DENND2A: variants seen among roughly 807,000 people sequenced by gnomAD.
DENND2A encodes DENN domain containing 2A, also known as DENN domain-containing protein 2A.
DENND2A carries 53 observed loss-of-function variants against 105.3 expected under a neutral mutation model. The ratio of observed to expected loss-of-function variants is 0.50; its 90% CI spans 0.40 to 0.63. DENND2A has a LOEUF of 0.63. Among genes scored for constraint, DENND2A ranks in the 30% least tolerant of loss-of-function variants. The probability of loss-of-function intolerance (pLI) is 0.00; values close to 1 mark genes in which losing one functional copy is unlikely to be tolerated. For synonymous variants in DENND2A, 522 were observed against 508.4 expected, an observed-to-expected ratio of 1.03 and a Z score of -0.36; for missense variants, 1,138 against 1,279.6, an observed-to-expected ratio of 0.89 and a Z score of 1.69.
intron 1 of DENND2A, among the ~76,000 whole-genome samples, chr7:140,628,499 A>G (rs1015139212): frequency 1.3e-5 from 2 of 151,534 alleles, no homozygotes; most frequent in Admixed American, 6.6e-5. Flanking sequence ...GCTAACTTTC[A>G]AGATACGGGA....
chr7:140,585,185 G>T (rs561403050), intron 5 of DENND2A, among the ~76,000 whole-genome samples: 1 of 152,136 alleles, frequency 6.6e-6, no homozygotes, highest in Admixed American at 6.6e-5. Context: ...GTGACAGAGC[G>T]ACAACACCCT....
chr7:140,564,316 A>AACACT (rs1462080735), intron 9 of DENND2A, among the ~76,000 whole-genome samples: 7 of 146,290 alleles, frequency 4.8e-5, no homozygotes, highest in Non-Finnish European at 1.1e-4. Flanking sequence ...CACACACAGA[A>AACACT]ACACTGGTAG....
At chr7:140,640,919 C>G (rs1273641724), upstream of DENND2A, 1 of 151,988 alleles carries the variant, frequency 6.6e-6, no homozygotes, top group Non-Finnish European at 1.5e-5. This position sits in a 1 kb window ranked among gnomAD's most constrained non-coding sequence, Gnocchi z 4.9. Flanking sequence ...TCCCAGGGCC[C>G]GGCCCCGCGC....
intron 14 of DENND2A, among the ~76,000 whole-genome samples, chr7:140,532,983 G>C (rs1331368686): frequency 6.8e-6 from 1 of 147,646 alleles, no homozygotes; most frequent in African/African-American, 2.5e-5. Context: ...CAAAGAAAAG[G>C]CTACCTGCTT....
chr7:140,570,316 G>C (rs1196471014), intron 6 of DENND2A, among the ~76,000 whole-genome samples: 1 of 152,180 alleles, frequency 6.6e-6, no homozygotes, highest in African/African-American at 2.4e-5. Flanking sequence ...AGACCCATGG[G>C]GAGACAGCCC....
In DENND2A at chr7:140,527,434, T is replaced by A. The variant is rs1384360611; in HGVS notation, c.2389A>T (p.Thr797Ser). 1 of 1,601,854 alleles carries A rather than the reference T, an allele frequency of 6.2e-7. No individual in the cohort carries two copies. The part of the protein sequence containing the change: ...ALIYPFAWQH[T>S]YIPVLPPAMV... ...GCGGGTGGCAGCACCGGGATGTAGG[T>A]GTGCTGCCAGGCGAAGGGGTAGATC... Residue 797 changes from threonine (T) to serine (S), a missense_variant, in exon 15 of 20, where the codon ACC becomes TCC. By Grantham distance (58) the Thr-to-Ser change is moderately conservative. Coordinates refer to ENST00000496613, the MANE Select transcript of DENND2A (RefSeq NM_015689.5). The surrounding 1 kb of genome is among the most constrained non-coding windows in gnomAD (Gnocchi z 4.9).
chr7:140,546,400 A>C (rs916228573), intron 13 of DENND2A, among the ~76,000 whole-genome samples: 1 of 152,242 alleles, frequency 6.6e-6, no homozygotes, highest in Non-Finnish European at 1.5e-5. Context: ...CCTGGGCGAC[A>C]GTGCAAGACT....
At chr7:140,568,931 C>CTTT in intron 7 of DENND2A, 118 bp from the exon 8 acceptor site, 5 of 769,558 alleles carry the variant, frequency 6.5e-6, no homozygotes, top group South Asian at 2.0e-5. Context: ...TGAGTTGCCT[C>CTTT]TTTTTTTTTT....
At chr7:140,611,924 G>A (rs1306613625) in intron 1 of DENND2A, among the ~76,000 whole-genome samples, 1 of 152,150 alleles carries the variant, frequency 6.6e-6, no homozygotes, top group Non-Finnish European at 1.5e-5. Flanking sequence ...TACACCACAA[G>A]CCACTGAACT....
rs116183116 is a variant in DENND2A at position 140,593,442 on chromosome 7, A to C, written c.996-5662T>G. On this transcript the variant is annotated intron_variant, in intron 3 of 19. Transcript: ENST00000496613. Reference sequence around the variant, plus strand: ...TGAAGGGCGTTATAACCTATGTAATAGCCAAATTTCAACAACCAATGCCAA... The same window carrying C: ...TGAAGGGCGTTATAACCTATGTAATCGCCAAATTTCAACAACCAATGCCAA... Among the ~76,000 whole-genome samples the C allele has an allele frequency of 4.5e-3, 689 of 152,376 alleles. 7 individuals are homozygous for C. Among genetic ancestry groups the C allele is most frequent in the African/African-American group, 0.016 (657 of 41,594 alleles).
At chr7:140,533,244 G>C (rs35683312) in intron 14 of DENND2A, among the ~76,000 whole-genome samples, 45,062 of 151,986 alleles carry the variant, frequency 0.3, 6,844 homozygotes, top group Middle Eastern at 0.36. Context: ...ACCCGATTCA[G>C]CCTCCCAAAG....
At position 140,527,351 on chromosome 7, in the gene DENND2A, C is replaced by T; in HGVS notation, c.2472G>A (p.Ser824=). 2 of 1,597,512 alleles carry T rather than the reference C, an allele frequency of 1.3e-6. No individual in the cohort carries two copies. Among genetic ancestry groups the T allele is most frequent in the Admixed American group, 1.7e-5 (1 of 57,174 alleles). ...GCGGCAGCTCCCTGAGCAGTGGCAGCGAGCTGGAGAGCAGCCCGATGAGGA... is the reference window on the plus strand; with the variant it reads ...GCGGCAGCTCCCTGAGCAGTGGCAGTGAGCTGGAGAGCAGCCCGATGAGGA... ...TPFLIGLLSS[S]LPLLRELPLE... Residue 824 remains serine, a synonymous_variant, in exon 15 of 20, where the codon TCG becomes TCA. Coordinates refer to ENST00000496613, the MANE Select transcript of DENND2A (RefSeq NM_015689.5). The surrounding 1 kb of genome is among the most constrained non-coding windows in gnomAD (Gnocchi z 4.9).
chr7:140,529,361 T>C (rs551526684), intron 14 of DENND2A, among the ~76,000 whole-genome samples: 1 of 152,280 alleles, frequency 6.6e-6, no homozygotes, highest in South Asian at 2.1e-4. Flanking sequence ...TGTAAACTAG[T>C]TCAACCATTG....
intron 1 of DENND2A, among the ~76,000 whole-genome samples, chr7:140,618,104 C>T (rs998093475): frequency 5.3e-5 from 8 of 152,254 alleles, no homozygotes; most frequent in South Asian, 4.1e-4. Flanking sequence ...GACTCAGTGG[C>T]GTCAGTCCTC....
At chr7:140,557,685 G>C (rs1428371834) in intron 11 of DENND2A, among the ~76,000 whole-genome samples, 1 of 144,982 alleles carries the variant, frequency 6.9e-6, no homozygotes, top group Non-Finnish European at 1.5e-5. Flanking sequence ...GACTACAGGC[G>C]CGTGCCACCA....
chr7:140,613,582 A>G (rs1799979198), intron 1 of DENND2A, among the ~76,000 whole-genome samples: 1 of 151,612 alleles, frequency 6.6e-6, no homozygotes, highest in Non-Finnish European at 1.5e-5. Flanking sequence ...TGGGCAACAC[A>G]GCAAGATCCC....
At chr7:140,585,487 G>A (rs1363609836) in intron 5 of DENND2A, 102 bp downstream of exon 5, 2 of 1,519,864 alleles carry the variant, frequency 1.3e-6, no homozygotes, top group African/African-American at 1.4e-5. Context: ...GGCAGGGCAG[G>A]TGGAGGTGGC....
chr7:140,571,353 G>A (rs1024400635), intron 6 of DENND2A, among the ~76,000 whole-genome samples: 2 of 152,048 alleles, frequency 1.3e-5, no homozygotes, highest in Non-Finnish European at 2.9e-5. Flanking sequence ...TAGAGACGGG[G>A]GTTTCAACAT....
intron 1 of DENND2A, among the ~76,000 whole-genome samples, chr7:140,627,157 C>T (rs2130731564): frequency 6.6e-6 from 1 of 152,256 alleles, no homozygotes; most frequent in South Asian, 2.1e-4. Context: ...CCAAATAATA[C>T]TAATAAGTAA....
Sources: gnomAD v4.1 joint callset for allele counts (sites outside exome capture counted in the v4.1 genomes callset) on GRCh38, gnomAD v4.1.1 for gene constraint, Gnocchi (gnomAD v3.1) non-coding constraint, MANE v1.5 for transcripts, NCBI Gene and HGNC (gene_info 2026-07-23, HGNC 2026-07-21) for gene names.